The following ENPP3 variants were observed in gnomAD, a reference collection of about 807,000 sequenced individuals.
ENPP3 encodes ectonucleotide pyrophosphatase/phosphodiesterase 3.
In ENPP3, 104 loss-of-function variants were observed where a neutral mutation model predicts 117.8. The observed-to-expected ratio is 0.88, with a 90% CI of 0.75 to 1.04. The LOEUF is 1.04. Among genes scored for constraint, ENPP3 ranks in the 50% least tolerant of loss-of-function variants. The pLI, the probability that ENPP3 is intolerant of heterozygous loss-of-function variation, is 0.00. For missense variants in ENPP3, 1,026 were observed against 1,051.9 expected, an observed-to-expected ratio of 0.98 and a Z score of 0.34; for synonymous variants, 380 against 349.9, an observed-to-expected ratio of 1.09 and a Z score of -0.96.
chr6:131,692,892 CTA>C (rs1222260940), intron 14 of ENPP3, among the ~76,000 whole-genome samples: 4 of 134,598 alleles, frequency 3.0e-5, no homozygotes, highest in Non-Finnish European at 6.3e-5. Flanking sequence ...ATATTATACA[CTA>C]TATATGATAT....
intron 11 of ENPP3, among the ~76,000 whole-genome samples, chr6:131,678,571 A>G (rs749016202): frequency 2.6e-5 from 4 of 152,252 alleles, no homozygotes; most frequent in Non-Finnish European, 5.9e-5. Flanking sequence ...TCTTGGACAC[A>G]GTGGAAAGAT....
chr6:131,697,098 G>C (rs1354107931), intron 15 of ENPP3, among the ~76,000 whole-genome samples: 1 of 152,134 alleles, frequency 6.6e-6, no homozygotes, highest in Non-Finnish European at 1.5e-5. Flanking sequence ...AGTAGCTCTA[G>C]GGCAAGGAAG....
At chr6:131,665,868 A>T (rs1200777761) in intron 6 of ENPP3, among the ~76,000 whole-genome samples, 1 of 152,068 alleles carries the variant, frequency 6.6e-6, no homozygotes, top group Admixed American at 6.6e-5. Flanking sequence ...TATAACTTCC[A>T]TCTTAGAGCT....
chr6:131,652,533 G>A lies in ENPP3; in HGVS notation c.278-9G>A, dbSNP rs375492556. ...TAAATGCTCAGAACTGAATTGTATCGTTTTACAGCTCGAATATGGATGTGC... is the reference window on the plus strand; with the variant it reads ...TAAATGCTCAGAACTGAATTGTATCATTTTACAGCTCGAATATGGATGTGC... On this transcript the variant is annotated splice_polypyrimidine_tract_variant and intron_variant, in intron 3 of 24. Coordinates refer to ENST00000357639, the MANE Select transcript of ENPP3 (RefSeq NM_005021.5). 2.9e-4 allele frequency: 471 copies of A among 1,613,774 alleles called. 3 individuals carry two copies. The East Asian group carries it at 4.4e-3, about 15-fold the overall frequency.
At chr6:131,739,593 CTTTTTTTTTTTTT>C (rs71270397) in intron 23 of ENPP3, among the ~76,000 whole-genome samples, 6 of 87,462 alleles carry the variant, frequency 6.9e-5, no homozygotes, top group African/African-American at 2.2e-4. Flanking sequence ...TCATGCTCTG[CTTTTTTTTTTTTT>C]TTTTTTTTTT....
chr6:131,674,333 G>T, intron 8 of ENPP3, 52 bp downstream of exon 8: 2 of 1,570,282 alleles, frequency 1.3e-6, no homozygotes, highest in South Asian at 2.2e-5. Context: ...TTCTCAGTGT[G>T]ACAGGAGGAC....
chr6:131,737,963 T>C, intron 22 of ENPP3, 68 bp from the exon 23 acceptor site: 3 of 1,121,424 alleles, frequency 2.7e-6, no homozygotes, highest in Middle Eastern at 2.9e-4. Flanking sequence ...TGTACTTGTC[T>C]ATAATAGAAA....
chr6:131,680,952 A>G (rs1779010153), intron 11 of ENPP3, among the ~76,000 whole-genome samples: 2 of 152,158 alleles, frequency 1.3e-5, no homozygotes, highest in Non-Finnish European at 2.9e-5. Context: ...TGAGAGGCAG[A>G]CAGGTACACA....
chr6:131,693,756 A>G (rs1395151197), intron 15 of ENPP3, 132 bp downstream of exon 15: 4 of 864,056 alleles, frequency 4.6e-6, no homozygotes, highest in East Asian at 5.0e-5. Context: ...GCCTTTTTGT[A>G]TGCTATTTAG....
At chr6:131,744,160 G>A (rs1487767564) in intron 24 of ENPP3, among the ~76,000 whole-genome samples, 1 of 152,182 alleles carries the variant, frequency 6.6e-6, no homozygotes, top group African/African-American at 2.4e-5. Context: ...CCCACACTTG[G>A]TGTAAGGAAT....
intron 15 of ENPP3, among the ~76,000 whole-genome samples, chr6:131,716,020 GGAA>G (rs1446363425): frequency 5.3e-5 from 7 of 132,784 alleles, no homozygotes; most frequent in Non-Finnish European, 3.0e-5. Flanking sequence ...ATACCGCACA[GGAA>G]GACAGACTTG....
At chr6:131,669,655 C>CA (rs67597128) in intron 6 of ENPP3, among the ~76,000 whole-genome samples, 2,367 of 61,406 alleles carry the variant, frequency 0.039, 62 homozygotes, top group Middle Eastern at 0.052. Context: ...GACTCCATCT[C>CA]AAAAAAAAAA....
chr6:131,648,639 A>C (rs1408731945), intron 2 of ENPP3, among the ~76,000 whole-genome samples: 1 of 152,202 alleles, frequency 6.6e-6, no homozygotes, highest in Non-Finnish European at 1.5e-5. Context: ...ATTTAAAACT[A>C]TGCACTGGTT....
rs12195412 is a variant in ENPP3 at position 131,682,842 on chromosome 6, G to A, written c.1012-212G>A. On this transcript the variant is annotated intron_variant, in intron 11 of 24. Coordinates refer to ENST00000357639, the MANE Select transcript of ENPP3 (RefSeq NM_005021.5). Reference sequence around the variant, plus strand: ...GGCCAGCAGTCTATCTTCCTTTGTAGGAAGTATGATTTAGATTTTTGTTTA... The same window carrying A: ...GGCCAGCAGTCTATCTTCCTTTGTAAGAAGTATGATTTAGATTTTTGTTTA... Among the ~76,000 whole-genome samples the A allele has an allele frequency of 0.36, 54,318 of 152,132 alleles. 11,912 individuals are homozygous for A. The highest frequency in any genetic ancestry group is 0.47 in the East Asian group (2,447 of 5,170).
chr6:131,735,338 A>G (rs1197671580), intron 21 of ENPP3, among the ~76,000 whole-genome samples: 1 of 152,222 alleles, frequency 6.6e-6, no homozygotes, highest in African/African-American at 2.4e-5. Flanking sequence ...TTCAGGGCTT[A>G]GTTAAAAAGG....
intron 3 of ENPP3, 52 bp from the exon 4 acceptor site, chr6:131,652,490 T>C (rs1778283740): frequency 6.4e-6 from 10 of 1,552,860 alleles, no homozygotes; most frequent in Non-Finnish European, 8.8e-6. Context: ...GAAATTTGTA[T>C]ATTTTATACT....
At chr6:131,728,638 A>G (rs542838137) in intron 20 of ENPP3, among the ~76,000 whole-genome samples, 22 of 152,358 alleles carry the variant, frequency 1.4e-4, no homozygotes, top group South Asian at 4.1e-4. Flanking sequence ...AAAATGTTGT[A>G]AATCAGCTCT....
At position 131,637,357 on chromosome 6, in the gene ENPP3, A is replaced by G. The variant is rs765314974; in HGVS notation, c.-28A>G. On this transcript the variant is annotated 5_prime_UTR_variant, in exon 1 of 25. It adds an upstream start codon to the 5' untranslated region. Transcript: ENST00000357639. ...AGAAGGAGCACTAATTTATTCTGAT[A>G]AAACAGGTCTATGCAGCTACCAGGA... 2.0e-6 allele frequency: 3 copies of G among 1,482,088 alleles called. No individual in the cohort carries two copies. The African/African-American group carries it at 4.3e-5, about 21-fold the overall frequency. The allele number at this position is 1,482,088 out of a possible 1,614,324, so 91.8% of individuals were successfully genotyped here.
intron 18 of ENPP3, among the ~76,000 whole-genome samples, chr6:131,723,818 C>CTCTG (rs1780087001): frequency 6.8e-6 from 1 of 147,874 alleles, no homozygotes; most frequent in Non-Finnish European, 1.5e-5. Flanking sequence ...CTCTCTCTCT[C>CTCTG]TCTCTCTCTC....
Sources: allele counts gnomAD v4.1 joint callset (sites outside exome capture counted in the v4.1 genomes callset), GRCh38; gene constraint gnomAD v4.1.1; transcripts MANE v1.5; gene names NCBI Gene and HGNC (gene_info 2026-07-23, HGNC 2026-07-21).